Variants in MGRN1 observed in about 807,000 individuals in gnomAD.
MGRN1 encodes mahogunin ring finger 1, also known as E3 ubiquitin-protein ligase MGRN1.
In MGRN1, 29 loss-of-function variants were observed where a neutral mutation model predicts 69.2. The ratio of observed to expected loss-of-function variants is 0.42; its 90% CI spans 0.31 to 0.57. The LOEUF (loss-of-function observed/expected upper bound fraction) is 0.57. MGRN1 is among the 20% of genes least tolerant of loss of function. The pLI, the probability that MGRN1 is intolerant of heterozygous loss-of-function variation, is 0.15. For synonymous variants in MGRN1, 470 were observed against 344.2 expected (o/e 1.37, Z -4.04); for missense variants, 998 against 796.2 (o/e 1.25, Z -3.05).
chr16:4,672,602 T>C, intron 9 of MGRN1: 1 of 388,170 alleles, frequency 2.6e-6, no homozygotes, highest in South Asian at 1.9e-5. Context: ...CCCGGGCATA[T>C]GGTCTCTGTT....
At chr16:4,628,230 C>A (rs1368230870) in intron 1 of MGRN1, among the ~76,000 whole-genome samples, 1 of 151,498 alleles carries the variant, frequency 6.6e-6, no homozygotes, top group Non-Finnish European at 1.5e-5. Context: ...ACTAAAAATA[C>A]AAAAAATTAG....
intron 11 of MGRN1, among the ~76,000 whole-genome samples, chr16:4,679,821 C>T (rs1310780038): frequency 6.6e-6 from 1 of 152,156 alleles, no homozygotes; most frequent in Non-Finnish European, 1.5e-5. Flanking sequence ...ACTGCAGCAG[C>T]ACAGCTCCCG....
At chr16:4,658,082 C>T (rs977708246) in intron 5 of MGRN1, among the ~76,000 whole-genome samples, 29 of 151,894 alleles carry the variant, frequency 1.9e-4, no homozygotes, top group African/African-American at 5.8e-4. Flanking sequence ...TTGTAGGTTG[C>T]GGCTTGAGTG....
At chr16:4,636,345 T>C (rs1898289452) in intron 1 of MGRN1, among the ~76,000 whole-genome samples, 1 of 151,880 alleles carries the variant, frequency 6.6e-6, no homozygotes, top group Non-Finnish European at 1.5e-5. Context: ...TTGCTCCACC[T>C]CAGGATGAGA....
At chr16:4,646,855 A>AGGCTTCTGGACCAGGG (rs2078285220) in intron 1 of MGRN1, among the ~76,000 whole-genome samples, 1 of 152,110 alleles carries the variant, frequency 6.6e-6, no homozygotes, top group Admixed American at 6.5e-5. Flanking sequence ...TTGGAGCAGG[A>AGGCTTCTGGACCAGGG]GGCTTCTGGA....
intron 7 of MGRN1, among the ~76,000 whole-genome samples, chr16:4,666,848 C>T (rs147796669): frequency 7.4e-4 from 112 of 152,308 alleles, no homozygotes; most frequent in Admixed American, 1.2e-3. Context: ...GTCTTGGCAT[C>T]CCCAGAGCTG....
rs3890069 is a variant in MGRN1 at position 4,664,744 on chromosome 16, A to G, written c.597A>G (p.Val199=). 0.024 allele frequency: 38,119 copies of G among 1,614,132 alleles called. 635 individuals carry two copies. The highest frequency in any genetic ancestry group is 0.07 in the African/African-American group (5,251 of 75,030). ...NFDLDRGVFP[V]VIQAVVDEGD... is the part of the protein sequence containing the mutation. ...ACCTGGACCGGGGCGTGTTTCCAGTAGTCATCCAGGCTGTGGTGGACGAAG... is the reference window on the plus strand; with the variant it reads ...ACCTGGACCGGGGCGTGTTTCCAGTGGTCATCCAGGCTGTGGTGGACGAAG... Residue 199 remains valine (V), a synonymous_variant, in exon 6 of 17, where the codon GTA becomes GTG. Coordinates refer to ENST00000262370, the MANE Select transcript of MGRN1 (RefSeq NM_015246.4).
rs771803320 is a variant in MGRN1 at position 4,652,666 on chromosome 16, C to T, written c.297-12C>T. 1.5e-5 allele frequency: 24 copies of T among 1,598,046 alleles called. No homozygotes were observed. The highest frequency in any genetic ancestry group is 1.1e-4 in the East Asian group (5 of 44,278). On this transcript the variant is annotated splice_polypyrimidine_tract_variant and intron_variant, in intron 3 of 16. Coordinates refer to ENST00000262370, the MANE Select transcript of MGRN1 (RefSeq NM_015246.4). ...GCTGACCCGCTGCCTTTCTCTCCAC[C>T]GCCTGGGGTAGGTACAAAGACGATG...
intron 1 of MGRN1, among the ~76,000 whole-genome samples, chr16:4,626,158 G>A (rs930596861): frequency 6.6e-6 from 1 of 152,234 alleles, no homozygotes; most frequent in Non-Finnish European, 1.5e-5. Context: ...CTAGGTGAGG[G>A]CCTGGGGCCA....
chr16:4,681,384 G>A, intron 12 of MGRN1, 166 bp from the exon 13 acceptor site: 1 of 624,488 alleles, frequency 1.6e-6, no homozygotes, highest in South Asian at 2.1e-5. Flanking sequence ...GCTGATGGCT[G>A]AGGCAGGGAG....
In MGRN1 at chr16:4,677,463, C is replaced by A; in HGVS notation, c.956C>A (p.Pro319His). The A allele has an allele frequency of 1.3e-6, 2 of 1,550,116 alleles. No individual in the cohort carries two copies. Among genetic ancestry groups the A allele is most frequent in the Non-Finnish European group, 1.7e-6 (2 of 1,150,932 alleles). ...QANNCPICRL[P>H]FRALLQIRAV... ...GATCTGAGCCCTCCTTCTGCCGCAG[C>A]TTTCCGGGCCCTCCTGCAGATCCGG... is the stretch of plus-strand genomic sequence containing the variant. Residue 319 changes from proline to histidine, a missense_variant and splice_region_variant, in exon 11 of 17, where the codon CCT (proline) becomes CAT (histidine). Pro to His is a moderately conservative substitution (Grantham distance 77). Coordinates refer to ENST00000262370, the MANE Select transcript of MGRN1 (RefSeq NM_015246.4).
intron 16 of MGRN1, among the ~76,000 whole-genome samples, chr16:4,685,247 G>A (rs2079282376): frequency 6.6e-6 from 1 of 152,256 alleles, no homozygotes; most frequent in Non-Finnish European, 1.5e-5. Flanking sequence ...CTCAGCTTCT[G>A]GGAGCCACGA....
intron 1 of MGRN1, among the ~76,000 whole-genome samples, chr16:4,643,807 TCAAA>T (rs761646341): frequency 1.2e-4 from 18 of 152,288 alleles, no homozygotes; most frequent in African/African-American, 4.1e-4. Flanking sequence ...ACCCAATTGA[TCAAA>T]CAAATATTCC....
chr16:4,687,636 A>G, intron 16 of MGRN1: 1 of 983,672 alleles, frequency 1.0e-6, no homozygotes, highest in Non-Finnish European at 1.2e-6. Context: ...CAGCTCCAGG[A>G]GTGCCACCAA....
At chr16:4,653,538 G>A (rs888395269) in intron 4 of MGRN1, among the ~76,000 whole-genome samples, 1 of 152,238 alleles carries the variant, frequency 6.6e-6, no homozygotes, top group Non-Finnish European at 1.5e-5. Context: ...GCCCAGGCTG[G>A]CGTGCAGTGG....
At chr16:4,683,440 C>T (rs771022782) in intron 15 of MGRN1, among the ~76,000 whole-genome samples, 171 bp downstream of exon 15, 7 of 152,130 alleles carry the variant, frequency 4.6e-5, no homozygotes, top group Non-Finnish European at 5.9e-5. Context: ...AGGGACTGAA[C>T]GGGTGACTGG....
At chr16:4,667,985 C>T (rs2078843108) in intron 7 of MGRN1, among the ~76,000 whole-genome samples, 1 of 152,074 alleles carries the variant, frequency 6.6e-6, no homozygotes, top group Non-Finnish European at 1.5e-5. Flanking sequence ...TGCTTGAGAC[C>T]AACCGAGGAG....
At chr16:4,632,973 C>G (rs1596256418) in intron 1 of MGRN1, among the ~76,000 whole-genome samples, 1 of 152,130 alleles carries the variant, frequency 6.6e-6, no homozygotes, top group Non-Finnish European at 1.5e-5. Context: ...GTCCTAGCTA[C>G]CTGGTGGGCT....
intron 1 of MGRN1, among the ~76,000 whole-genome samples, chr16:4,647,844 C>T (rs1230321635): frequency 6.6e-6 from 1 of 152,102 alleles, no homozygotes; most frequent in Admixed American, 6.5e-5. Flanking sequence ...TTAGGTGGGG[C>T]TGCGGCTCCC....
Sources: allele counts gnomAD v4.1 joint callset (sites outside exome capture counted in the v4.1 genomes callset), GRCh38; gene constraint gnomAD v4.1.1; transcripts MANE v1.5; gene names NCBI Gene and HGNC (gene_info 2026-07-23, HGNC 2026-07-21).